RBPMS2: variants seen among roughly 807,000 people sequenced by gnomAD.
RBPMS2 encodes the protein RNA binding protein, mRNA processing factor 2.
In RBPMS2, 14 loss-of-function variants were observed where a neutral mutation model predicts 25.7. The observed-to-expected ratio is 0.55, with a 90% CI of 0.36 to 0.85. The LOEUF (loss-of-function observed/expected upper bound fraction) is 0.85. Ranked by LOEUF, RBPMS2 falls within the 40% of genes least tolerant of loss-of-function variation. The pLI is 0.01. For synonymous variants in RBPMS2, 127 were observed against 115.6 expected (o/e 1.10, Z -0.63); for missense variants, 252 against 283.4 (o/e 0.89, Z 0.80).
chr15:64,743,600 G>A (rs1449956631), intron 6 of RBPMS2, among the ~76,000 whole-genome samples: 1 of 151,482 alleles, frequency 6.6e-6, no homozygotes, highest in African/African-American at 2.4e-5. Flanking sequence ...CAGCAAGACA[G>A]GGCACCCGCA....
chr15:64,763,690 G>A (rs2083814006), intron 1 of RBPMS2, among the ~76,000 whole-genome samples: 1 of 152,176 alleles, frequency 6.6e-6, no homozygotes, highest in Non-Finnish European at 1.5e-5. Context: ...GTCAGTCCAG[G>A]GATCAAGTGC....
At chr15:64,770,393 G>A (rs2083884722) in intron 1 of RBPMS2, among the ~76,000 whole-genome samples, 1 of 152,166 alleles carries the variant, frequency 6.6e-6, no homozygotes, top group Non-Finnish European at 1.5e-5. Context: ...TGATAATAAT[G>A]TAAGTACTTC....
chr15:64,759,183 G>A (rs960075809), intron 1 of RBPMS2, among the ~76,000 whole-genome samples: 4 of 152,148 alleles, frequency 2.6e-5, no homozygotes, highest in African/African-American at 9.7e-5. Flanking sequence ...GGGTCCTGGG[G>A]AAGGGGAGCA....
At chr15:64,764,668 C>T (rs2083825147) in intron 1 of RBPMS2, among the ~76,000 whole-genome samples, 1 of 152,172 alleles carries the variant, frequency 6.6e-6, no homozygotes, top group Non-Finnish European at 1.5e-5. Flanking sequence ...GTTATCCCAG[C>T]ACTTTGAGAG....
In RBPMS2 at chr15:64,741,235, C is replaced by T; in HGVS notation, c.575G>A (p.Trp192Ter). Residue 192 changes from tryptophan (W) to a stop codon, truncating the protein, a stop_gained, in exon 7 of 8, where the codon TGG becomes TAG. Coordinates refer to ENST00000300069, the MANE Select transcript of RBPMS2 (RefSeq NM_194272.3). LOFTEE classifies it high-confidence loss of function. ...CTGGGTGGTGTCAGAGGAAGGGTAC[C>T]AGCGCACCTGCAAGAGAAGCCAACG... ...AAAALHAQVRWYPSSDTTQQG... is the reference protein window; with the variant it reads ...AAAALHAQVR The T allele has an allele frequency of 6.3e-7, 1 of 1,590,480 alleles. No individual in the cohort carries two copies. The highest frequency in any genetic ancestry group is 8.6e-7 in the Non-Finnish European group (1 of 1,168,442).
chr15:64,766,476 G>A (rs1396435699), intron 1 of RBPMS2, among the ~76,000 whole-genome samples: 3 of 152,044 alleles, frequency 2.0e-5, no homozygotes, highest in East Asian at 3.8e-4. Flanking sequence ...GGCAGTGGAC[G>A]GGTTCTGGCA....
intron 1 of RBPMS2, among the ~76,000 whole-genome samples, chr15:64,769,154 G>A (rs1039109591): frequency 8.2e-5 from 12 of 146,934 alleles, no homozygotes; most frequent in Non-Finnish European, 1.0e-4. Context: ...GATGTGTAAG[G>A]ATATAGATTT....
intron 1 of RBPMS2, among the ~76,000 whole-genome samples, chr15:64,763,853 AAAAGTTATCTG>A (rs1198464785): frequency 6.6e-6 from 1 of 152,076 alleles, no homozygotes; most frequent in Non-Finnish European, 1.5e-5. Context: ...AGCCAGGGTG[AAAAGTTATCTG>A]AAAGGAGGGA....
chr15:64,762,987 C>T lies in RBPMS2; in HGVS notation c.88-11349G>A, dbSNP rs143852720. Among the ~76,000 whole-genome samples the T allele has an allele frequency of 2.6e-3, 377 of 146,570 alleles. 4 individuals carry two copies. The highest frequency in any genetic ancestry group is 1.4e-3 in the African/African-American group (54 of 39,492). ...TTGAGGGGGGTCTCTGCAGAGCCAACGTTAGGGCTGCCGAACAGAAACGTC... is the reference window on the plus strand; with the variant it reads ...TTGAGGGGGGTCTCTGCAGAGCCAATGTTAGGGCTGCCGAACAGAAACGTC... On this transcript the variant is annotated intron_variant, in intron 1 of 7. Coordinates refer to ENST00000300069, the MANE Select transcript of RBPMS2 (RefSeq NM_194272.3).
chr15:64,754,431 G>C (rs1221011529), intron 1 of RBPMS2, among the ~76,000 whole-genome samples: 1 of 152,092 alleles, frequency 6.6e-6, no homozygotes, highest in Non-Finnish European at 1.5e-5. Context: ...GACCAACATG[G>C]AGAAACCCCG....
rs144361022 is a variant in RBPMS2 at position 64,741,625 on chromosome 15, A to C, written c.568-383T>G. ...TAATTCTGTGGAGGAGGAGGAAAAG[A>C]ATGAGCCTCATACATTTTTGTTTGA... On this transcript the variant is annotated intron_variant, in intron 6 of 7. Transcript: ENST00000300069. Among the ~76,000 whole-genome samples, 183 of 152,358 alleles carry C rather than the reference A, an allele frequency of 1.2e-3. 1 individual carries two copies. The highest frequency in any genetic ancestry group is 6.8e-3 in the Middle Eastern group (2 of 294).
chr15:64,775,376 G>C lies in RBPMS2; in HGVS notation c.-57C>G. 1 of 1,074,096 alleles carries C rather than the reference G, an allele frequency of 9.3e-7. No individual in the cohort carries two copies. Among genetic ancestry groups the C allele is most frequent in the Non-Finnish European group, 1.2e-6 (1 of 845,990 alleles). The allele number at this position is 1,074,096 out of a possible 1,614,324, so 66.5% of individuals were successfully genotyped here. Reference sequence around the variant, plus strand: ...CGAGGGCGAGCGCGGCGCCGGCCCCGCGGGAAGTGGGAAGGGGCGCGGGGA... The same window carrying C: ...CGAGGGCGAGCGCGGCGCCGGCCCCCCGGGAAGTGGGAAGGGGCGCGGGGA... On this transcript the variant is annotated 5_prime_UTR_variant, in exon 1 of 8. Coordinates refer to ENST00000300069, the MANE Select transcript of RBPMS2 (RefSeq NM_194272.3).
intron 6 of RBPMS2, among the ~76,000 whole-genome samples, chr15:64,745,516 G>C (rs955984396): frequency 6.6e-6 from 1 of 152,142 alleles, no homozygotes; most frequent in African/African-American, 2.4e-5. Context: ...ACCAGTTTAA[G>C]GGGGAGAAAA....
In RBPMS2 at chr15:64,748,482, G is replaced by C. The variant is rs764217761; in HGVS notation, c.504C>G (p.Ala168=). The change falls in exon 6 of 8, where the codon GCC becomes GCG. Residue 168 remains alanine (A), a synonymous_variant. Transcript: ENST00000300069. ...YPLYTTELTP[A]ISHAAFTYPT... is the part of the protein sequence containing the mutation. Reference sequence around the variant, plus strand: ...GGTAGGTGAACGCAGCATGGGAGATGGCTGGGGTCAGCTCTGTGGTGTACA... The same window carrying C: ...GGTAGGTGAACGCAGCATGGGAGATCGCTGGGGTCAGCTCTGTGGTGTACA... The C allele has an allele frequency of 2.5e-6, 4 of 1,614,064 alleles. No homozygotes were observed. The highest frequency in any genetic ancestry group is 3.4e-6 in the Non-Finnish European group (4 of 1,179,986).
chr15:64,746,771 A>T (rs1192877600), intron 6 of RBPMS2, among the ~76,000 whole-genome samples: 1 of 152,154 alleles, frequency 6.6e-6, no homozygotes, highest in Non-Finnish European at 1.5e-5. Context: ...ATAGGGCAGA[A>T]CCTCTCCACC....
chr15:64,746,515 T>A (rs2083619248), intron 6 of RBPMS2, among the ~76,000 whole-genome samples: 1 of 152,226 alleles, frequency 6.6e-6, no homozygotes, highest in Admixed American at 6.5e-5. Context: ...GTGGGTAACG[T>A]GCCCAATGTC....
rs527519285 is a variant in RBPMS2, at chr15:64,765,709, G to T, written c.87+9524C>A. 5.3e-4 allele frequency among the ~76,000 whole-genome samples: 81 copies of T among 152,324 alleles called. No individual in the cohort carries two copies. In the Middle Eastern group the frequency reaches 0.014, roughly 26 times the overall value. On this transcript the variant is annotated intron_variant, in intron 1 of 7. Coordinates refer to ENST00000300069, the MANE Select transcript of RBPMS2 (RefSeq NM_194272.3). Reference sequence around the variant, plus strand: ...ACCTGTAATCCCAGCGCTCTGGGAGGCCGAGGTGGGCGGATTACGAGGTCA... The same window carrying T: ...ACCTGTAATCCCAGCGCTCTGGGAGTCCGAGGTGGGCGGATTACGAGGTCA...
At chr15:64,768,351 T>G (rs1012232079) in intron 1 of RBPMS2, among the ~76,000 whole-genome samples, 1 of 151,652 alleles carries the variant, frequency 6.6e-6, no homozygotes, top group Non-Finnish European at 1.5e-5. Context: ...TACAAAAAAT[T>G]AGCCGAGGCC....
At chr15:64,774,128 C>A (rs954329807) in intron 1 of RBPMS2, among the ~76,000 whole-genome samples, 1 of 152,256 alleles carries the variant, frequency 6.6e-6, no homozygotes, top group African/African-American at 2.4e-5. Context: ...TCTGCACCAA[C>A]CCCCAGCACA....
Sources: allele counts gnomAD v4.1 joint callset (sites outside exome capture counted in the v4.1 genomes callset), GRCh38; gene constraint gnomAD v4.1.1; transcripts MANE v1.5; gene names NCBI Gene and HGNC (gene_info 2026-07-23, HGNC 2026-07-21).